Variants in CSMD1 observed in about 807,000 individuals in gnomAD.
CSMD1 encodes the protein CUB and Sushi multiple domains 1.
CSMD1 carries 213 observed loss-of-function variants against 417.5 expected under a neutral mutation model. The observed-to-expected ratio is 0.51, with a 90% CI of 0.46 to 0.57. CSMD1 has a LOEUF of 0.57. CSMD1 is among the 20% of genes least tolerant of loss of function. CSMD1 has a pLI of 0.00. For missense variants in CSMD1, 6,923 were observed against 4,529.7 expected, an observed-to-expected ratio of 1.53 and a Z score of -15.17; for synonymous variants, 2,862 against 1,736.8, an observed-to-expected ratio of 1.65 and a Z score of -16.11.
At position 3,899,534 on chromosome 8, in the gene CSMD1, A is replaced by G. The variant is rs560284779; in HGVS notation, c.818+98369T>C. Among the ~76,000 whole-genome samples the G allele has an allele frequency of 1.8e-3, 267 of 152,304 alleles. 2 individuals are homozygous for G. The highest frequency in any genetic ancestry group is 1.6e-3 in the Non-Finnish European group (112 of 68,032). ...TTGGATGCTGTCATAAGGAAGTGGA[A>G]AAACATCTAAGGACATTAAAAAGAA... On this transcript the variant is annotated intron_variant, in intron 5 of 69. Transcript: ENST00000635120.
intron 5 of CSMD1, among the ~76,000 whole-genome samples, chr8:3,810,769 G>C (rs1407127423): frequency 6.6e-6 from 1 of 152,124 alleles, no homozygotes; most frequent in Non-Finnish European, 1.5e-5. Flanking sequence ...AATGATCATG[G>C]TGTTGCATCA....
At chr8:2,962,906 G>A (rs147503659) in intron 60 of CSMD1, among the ~76,000 whole-genome samples, 1 of 152,106 alleles carries the variant, frequency 6.6e-6, no homozygotes, top group Non-Finnish European at 1.5e-5. Flanking sequence ...AAATTAGCTG[G>A]GTTTGGTGGC....
chr8:4,045,574 C>T (rs902456293), intron 3 of CSMD1, among the ~76,000 whole-genome samples: 16 of 152,246 alleles, frequency 1.1e-4, no homozygotes, highest in Non-Finnish European at 1.5e-4. Flanking sequence ...ATGTGCAATG[C>T]TTTAGAATGA....
At chr8:3,661,150 G>T (rs1043657776) in intron 7 of CSMD1, among the ~76,000 whole-genome samples, 1 of 152,126 alleles carries the variant, frequency 6.6e-6, no homozygotes. Flanking sequence ...CCGTACTTTC[G>T]TATATGACTC....
chr8:3,263,096 C>T (rs1801196209), intron 26 of CSMD1, among the ~76,000 whole-genome samples: 1 of 152,114 alleles, frequency 6.6e-6, no homozygotes, highest in African/African-American at 2.4e-5. Context: ...TTTTCTCTTG[C>T]ATCATCAACT....
At chr8:4,522,901 G>C (rs1365675878) in intron 2 of CSMD1, among the ~76,000 whole-genome samples, 1 of 152,060 alleles carries the variant, frequency 6.6e-6, no homozygotes, top group African/African-American at 2.4e-5. Context: ...ATAATCCTAA[G>C]GATCCTACAA....
intron 6 of CSMD1, among the ~76,000 whole-genome samples, chr8:3,751,339 TATAC>T (rs1219988330): frequency 6.7e-6 from 1 of 149,484 alleles, no homozygotes; most frequent in Non-Finnish European, 1.5e-5. Flanking sequence ...TATATATATA[TATAC>T]ACGAACACAC....
At chr8:3,251,381 T>A in intron 26 of CSMD1, among the ~76,000 whole-genome samples, 1 of 152,268 alleles carries the variant, frequency 6.6e-6, no homozygotes, top group Middle Eastern at 3.4e-3. Context: ...TGTAGATATG[T>A]GGCATTATTT....
At chr8:4,345,379 C>A (rs751977005) in intron 3 of CSMD1, among the ~76,000 whole-genome samples, 7 of 152,022 alleles carry the variant, frequency 4.6e-5, no homozygotes, top group African/African-American at 1.7e-4. Context: ...ATTATACACA[C>A]TTATGCAATA....
chr8:4,717,094 C>T (rs377550994), intron 1 of CSMD1, among the ~76,000 whole-genome samples: 1 of 151,170 alleles, frequency 6.6e-6, no homozygotes, highest in Non-Finnish European at 1.5e-5. Context: ...CTCTCTGCCC[C>T]GAGAAAAACT....
At chr8:4,392,599 G>A (rs969077739) in intron 3 of CSMD1, among the ~76,000 whole-genome samples, 4 of 151,752 alleles carry the variant, frequency 2.6e-5, no homozygotes, top group African/African-American at 9.7e-5. Context: ...AATTTGCTAT[G>A]AATTGAATAG....
At chr8:4,117,562 G>C (rs1802227561) in intron 3 of CSMD1, among the ~76,000 whole-genome samples, 1 of 152,136 alleles carries the variant, frequency 6.6e-6, no homozygotes. Context: ...ACAGCTAATA[G>C]CAGCTACAAT....
At chr8:3,285,699 C>G (rs534488119) in intron 25 of CSMD1, among the ~76,000 whole-genome samples, 2 of 151,968 alleles carry the variant, frequency 1.3e-5, no homozygotes, top group African/African-American at 2.4e-5. Context: ...ACGCCCAGAC[C>G]AGAACTTTTT....
intron 3 of CSMD1, among the ~76,000 whole-genome samples, chr8:4,266,726 A>G (rs1585125788): frequency 9.5e-6 from 1 of 105,198 alleles, no homozygotes; most frequent in East Asian, 2.5e-4. Flanking sequence ...CAAAAATTCT[A>G]ATTTTTTGTC....
chr8:3,727,462 G>A (rs1210905149), intron 6 of CSMD1, among the ~76,000 whole-genome samples: 4 of 152,182 alleles, frequency 2.6e-5, no homozygotes, highest in Admixed American at 6.5e-5. Context: ...ACCAATGTGT[G>A]CATTAAAAAT....
At chr8:3,578,266 A>T (rs557714701) in intron 9 of CSMD1, among the ~76,000 whole-genome samples, 14 of 152,126 alleles carry the variant, frequency 9.2e-5, no homozygotes, top group Non-Finnish European at 1.9e-4. Context: ...GAGAAAGAAG[A>T]GATGACCCAG....
intron 2 of CSMD1, among the ~76,000 whole-genome samples, chr8:4,571,830 A>G (rs773607134): frequency 6.6e-6 from 1 of 152,174 alleles, no homozygotes; most frequent in Non-Finnish European, 1.5e-5. Flanking sequence ...GTGCATATAT[A>G]TTTAGGATTG....
intron 1 of CSMD1, among the ~76,000 whole-genome samples, chr8:4,753,521 C>A (rs1227542302): frequency 1.3e-5 from 2 of 152,004 alleles, no homozygotes; most frequent in Non-Finnish European, 1.5e-5. Context: ...AGCCCACACT[C>A]GTTGCTCGGT....
At chr8:3,338,394 T>C (rs1293481780) in intron 23 of CSMD1, among the ~76,000 whole-genome samples, 1 of 152,100 alleles carries the variant, frequency 6.6e-6, no homozygotes, top group Non-Finnish European at 1.5e-5. Context: ...ATAATGGAAA[T>C]TGTGTAAATC....
Sources: gnomAD v4.1 joint callset for allele counts (sites outside exome capture counted in the v4.1 genomes callset) on GRCh38, gnomAD v4.1.1 for gene constraint, MANE v1.5 for transcripts, NCBI Gene and HGNC (gene_info 2026-07-23, HGNC 2026-07-21) for gene names.